The following PUDP variants were observed in gnomAD, a reference collection of about 807,000 sequenced individuals.
The protein encoded by PUDP is pseudouridine 5'-phosphatase.
A neutral mutation model predicts 9.4 loss-of-function variants in PUDP; 8 were observed. That is an observed-to-expected ratio of 0.85 (90% CI 0.50 to 1.53). The LOEUF is 1.53. PUDP is among the 40% of genes most tolerant of loss of function. PUDP has a pLI of 0.00. For missense variants in PUDP, 188 were observed against 189.7 expected (o/e 0.99, Z 0.05); for synonymous variants, 99 against 80.7 (o/e 1.23, Z -1.22).
intron 3 of PUDP, among the ~76,000 whole-genome samples, chrX:6,889,722 A>G (rs1927485178): frequency 9.0e-6 from 1 of 110,941 alleles, no homozygotes. Flanking sequence ...CCTTTACATA[A>G]TCTCTGGATG....
intron 2 of PUDP, among the ~76,000 whole-genome samples, chrX:7,093,108 C>T (rs1442853134): frequency 2.7e-5 from 3 of 112,060 alleles, no homozygotes; most frequent in Admixed American, 9.4e-5. Context: ...ATGTCCAGAA[C>T]GTGTTCATCT....
At chrX:6,757,822 A>G (rs1488300618) in intron 3 of PUDP, among the ~76,000 whole-genome samples, 1 of 112,372 alleles carries the variant, frequency 8.9e-6, no homozygotes, top group Non-Finnish European at 1.9e-5. Context: ...AAATGTTGGT[A>G]GGCAGATCTT....
At chrX:7,051,902 C>T (rs1469864773) in intron 3 of PUDP, among the ~76,000 whole-genome samples, 5 of 112,639 alleles carry the variant, frequency 4.4e-5, no homozygotes, top group Non-Finnish European at 9.4e-5. Context: ...GAGGTCCTCG[C>T]CATGGCGACC....
intron 3 of PUDP, among the ~76,000 whole-genome samples, chrX:7,073,696 T>C (rs1402697965): frequency 8.9e-6 from 1 of 112,925 alleles, no homozygotes; most frequent in Non-Finnish European, 1.9e-5. Flanking sequence ...CTTCCTTTAG[T>C]ATTACAATAT....
chrX:6,788,174 A>G (rs978458822), intron 3 of PUDP, among the ~76,000 whole-genome samples: 1 of 112,051 alleles, frequency 8.9e-6, no homozygotes, highest in South Asian at 3.7e-4. Context: ...CACCCACGCG[A>G]CCAGTCTGTT....
At chrX:6,934,484 G>A (rs1402115243) in intron 3 of PUDP, among the ~76,000 whole-genome samples, 13 of 109,847 alleles carry the variant, frequency 1.2e-4, no homozygotes, top group Non-Finnish European at 2.1e-4. Flanking sequence ...TGAAGGAAGT[G>A]CTAAACATGG....
At chrX:7,144,480 G>A (rs949997051) in intron 1 of PUDP, among the ~76,000 whole-genome samples, 4 of 112,004 alleles carry the variant, frequency 3.6e-5, no homozygotes, top group African/African-American at 1.3e-4. Context: ...CCACACAGTG[G>A]ACATGACTGT....
intron 3 of PUDP, among the ~76,000 whole-genome samples, chrX:7,064,307 G>A (rs781196566): frequency 5.4e-5 from 6 of 111,399 alleles, no homozygotes; most frequent in South Asian, 3.8e-4. Flanking sequence ...CTGTTGATCC[G>A]CATTTATTGG....
At chrX:7,147,925 G>GGAGCCC (rs1932908428) in intron 1 of PUDP, 128 bp downstream of exon 1, 2 of 489,951 alleles carry the variant, frequency 4.1e-6, no homozygotes, top group Non-Finnish European at 6.6e-6. Context: ...AGAGCGCGCG[G>GGAGCCC]GAGCCCGAGC....
chrX:6,909,298 G>A (rs1927814351), intron 3 of PUDP, among the ~76,000 whole-genome samples: 2 of 111,555 alleles, frequency 1.8e-5, no homozygotes. Context: ...GAAATTCAAA[G>A]ATTTCTTCCT....
chrX:6,941,341 C>CTTTTTTTTTTTTTTT (rs761887998), intron 3 of PUDP, among the ~76,000 whole-genome samples: 3 of 78,647 alleles, frequency 3.8e-5, no homozygotes, highest in African/African-American at 4.8e-5. Flanking sequence ...TCTTTTCTGT[C>CTTTTTTTTTTTTTTT]TTTTTTTTTT....
chrX:6,900,178 C>T (rs11095247), intron 3 of PUDP, among the ~76,000 whole-genome samples: 22,698 of 110,480 alleles, frequency 0.21, 1,926 homozygotes, highest in Middle Eastern at 0.26. Flanking sequence ...TATGCCACTG[C>T]ACTCCAGCCT....
At chrX:6,805,434 A>G (rs866641180) in intron 3 of PUDP, among the ~76,000 whole-genome samples, 5 of 111,138 alleles carry the variant, frequency 4.5e-5, no homozygotes, top group Admixed American at 2.9e-4. Flanking sequence ...ATGTCACACA[A>G]TGAAAAAGCA....
chrX:7,116,292 G>T (rs1224982611), intron 1 of PUDP, among the ~76,000 whole-genome samples: 7 of 111,251 alleles, frequency 6.3e-5, no homozygotes, highest in African/African-American at 2.3e-4. Flanking sequence ...TGGCTCTCTG[G>T]CTGGCGGTGG....
chrX:7,067,304 G>A (rs908797997), intron 3 of PUDP, among the ~76,000 whole-genome samples: 7 of 111,898 alleles, frequency 6.3e-5, no homozygotes, highest in Non-Finnish European at 9.4e-5. Context: ...ACAGGGGCCC[G>A]TGTGCATGCA....
intron 3 of PUDP, among the ~76,000 whole-genome samples, chrX:6,779,590 A>T (rs746269991): frequency 9.0e-6 from 1 of 111,524 alleles, no homozygotes; most frequent in East Asian, 2.8e-4. Flanking sequence ...TCCCCACTTG[A>T]CATAACGGCA....
chrX:7,084,885 T>A (rs1457758594), intron 2 of PUDP: 1 of 111,627 alleles, frequency 9.0e-6, no homozygotes, highest in Non-Finnish European at 1.9e-5. Context: ...AATTAAAAAA[T>A]AAATAAGTTA....
At position 7,055,863 on chromosome X, in the gene PUDP, C is replaced by T. The variant is rs1427638289; in HGVS notation, c.511-5391G>A. On this transcript the variant is annotated intron_variant, in intron 3 of 3. Coordinates refer to ENST00000381077, the MANE Select transcript of PUDP (RefSeq NM_012080.5). ...AAGGAAGAAGTATGTTTCTTATCTT[C>T]GAAGGCAGAAATATCTCAACACAGT... 2.7e-5 allele frequency among the ~76,000 whole-genome samples: 3 copies of T among 112,220 alleles called. No homozygotes were observed. In the East Asian group the frequency reaches 8.4e-4, roughly 32 times the overall value.
chrX:6,752,695 G>A (rs1052975325), intron 3 of PUDP, among the ~76,000 whole-genome samples: 1 of 110,932 alleles, frequency 9.0e-6, no homozygotes, highest in African/African-American at 3.3e-5. Flanking sequence ...AGGAGGGAAG[G>A]ATAGGAATGT....
Sources: gnomAD v4.1 joint callset for allele counts (sites outside exome capture counted in the v4.1 genomes callset) on GRCh38, gnomAD v4.1.1 for gene constraint, MANE v1.5 for transcripts, NCBI Gene and HGNC (gene_info 2026-07-23, HGNC 2026-07-21) for gene names.